The following CDK5RAP1 variants were observed in gnomAD, a reference collection of about 807,000 sequenced individuals.
The protein encoded by CDK5RAP1 is CDK5RAP1 mitochondrial tRNA methylthiotransferase.
CDK5RAP1 carries 62 observed loss-of-function variants against 64.5 expected under a neutral mutation model. The observed-to-expected ratio is 0.96, with a 90% confidence interval of 0.78 to 1.19. The LOEUF is 1.19. Among genes scored for constraint, CDK5RAP1 ranks in the 50% most tolerant of loss-of-function variants. CDK5RAP1 has a pLI of 0.00. For missense variants in CDK5RAP1, 657 were observed against 735.0 expected, an observed-to-expected ratio of 0.89 and a Z score of 1.23; for synonymous variants, 250 against 261.9, an observed-to-expected ratio of 0.95 and a Z score of 0.44.
intron 8 of CDK5RAP1, among the ~76,000 whole-genome samples, chr20:33,379,192 T>C (rs778204537): frequency 6.6e-6 from 1 of 152,182 alleles, no homozygotes; most frequent in Non-Finnish European, 1.5e-5. Flanking sequence ...GGTTTCGCCA[T>C]GTTGCCCAGG....
intron 13 of CDK5RAP1, 25 bp downstream of exon 13, chr20:33,360,326 C>T (rs1346182723): frequency 2.5e-6 from 4 of 1,609,564 alleles, no homozygotes; most frequent in Non-Finnish European, 3.4e-6. Context: ...ACAGTGCAAG[C>T]CAAAAGCCCA....
intron 5 of CDK5RAP1, among the ~76,000 whole-genome samples, chr20:33,389,228 G>A (rs1189454121): frequency 6.7e-6 from 1 of 150,198 alleles, no homozygotes; most frequent in Non-Finnish European, 1.5e-5. Context: ...GAGTGCCTCT[G>A]CCCCGCTGCC....
intron 7 of CDK5RAP1, among the ~76,000 whole-genome samples, chr20:33,380,787 C>T (rs563269991): frequency 4.6e-5 from 7 of 152,148 alleles, no homozygotes; most frequent in African/African-American, 1.7e-4. Flanking sequence ...GCGGATCACA[C>T]GGTCAGGAGT....
intron 12 of CDK5RAP1, among the ~76,000 whole-genome samples, chr20:33,362,650 T>C (rs1983151606): frequency 6.6e-6 from 1 of 152,098 alleles, no homozygotes; most frequent in African/African-American, 2.4e-5. Flanking sequence ...AAAATAACAA[T>C]GATTTAGGGA....
chr20:33,387,453 G>T lies in CDK5RAP1; in HGVS notation c.625C>A (p.Arg209=). ...ACAGCCAGCAGCCGGGGAAGGTCCC[G>T]GTAGGCATCAGGACCAGCCAAAATA... The part of the protein sequence containing the change: ...VDILAGPDAY[R]DLPRLLAVAE... The change falls in exon 6 of 14, where the codon CGG becomes AGG. Residue 209 remains arginine (R), a synonymous_variant. Transcript: ENST00000346416. The T allele has an allele frequency of 1.9e-6, 3 of 1,614,072 alleles. No individual in the cohort carries two copies. Among genetic ancestry groups the T allele is most frequent in the Non-Finnish European group, 2.5e-6 (3 of 1,180,002 alleles).
chr20:33,386,060 A>G (rs1464917662), intron 6 of CDK5RAP1, among the ~76,000 whole-genome samples: 2 of 151,974 alleles, frequency 1.3e-5, no homozygotes, highest in Admixed American at 6.6e-5. Context: ...TGGACTTTCT[A>G]CTGTTTTTTT....
At chr20:33,385,843 C>G in intron 6 of CDK5RAP1, 73 bp from the exon 7 acceptor site, 1 of 1,394,646 alleles carries the variant, frequency 7.2e-7, no homozygotes, top group Non-Finnish European at 9.8e-7. Context: ...CAGGACTCAG[C>G]TTCAATAGCA....
chr20:33,371,880 G>T (rs1470905555), intron 10 of CDK5RAP1, among the ~76,000 whole-genome samples: 1 of 152,168 alleles, frequency 6.6e-6, no homozygotes, highest in African/African-American at 2.4e-5. Flanking sequence ...TTAGGAGGAA[G>T]GGGACAGTGA....
chr20:33,358,997 T>C lies in CDK5RAP1; in HGVS notation c.*46A>G. ...AGTGGCAGGCAATGTCTCCCCTTCCTGTTGGGGAGGATTGCCCAAGTCAGC... is the reference window on the plus strand; with the variant it reads ...AGTGGCAGGCAATGTCTCCCCTTCCCGTTGGGGAGGATTGCCCAAGTCAGC... On this transcript the variant is annotated 3_prime_UTR_variant, in exon 14 of 14. Transcript: ENST00000346416. The C allele has an allele frequency of 7.3e-7, 1 of 1,363,550 alleles. No individual in the cohort carries two copies. Among genetic ancestry groups the C allele is most frequent in the Non-Finnish European group, 1.0e-6 (1 of 956,156 alleles). The allele number at this position is 1,363,550 out of a possible 1,614,324, so 84.5% of individuals were successfully genotyped here.
Position 33,389,381 on chromosome 20 carries a change from C to A in CDK5RAP1, c.545-1848G>T, listed in dbSNP as rs573519871. Reference sequence around the variant, plus strand: ...CCGTCTGAGAAGTGAGGAGCCCCTCCGCGCGGCAGCCGCCCCGTCTGAGAA... The same window carrying A: ...CCGTCTGAGAAGTGAGGAGCCCCTCAGCGCGGCAGCCGCCCCGTCTGAGAA... On this transcript the variant is annotated intron_variant, in intron 5 of 13. Transcript: ENST00000346416. 2.2e-4 allele frequency among the ~76,000 whole-genome samples: 33 copies of A among 151,538 alleles called. No individual in the cohort carries two copies. In the East Asian group the frequency reaches 6.4e-3, roughly 29 times the overall value.
rs1989412664 is a variant in CDK5RAP1 at position 33,401,464 on chromosome 20, G to GTC, written c.-58_-57insGA. On this transcript the variant is annotated 5_prime_UTR_variant, in exon 1 of 14. Coordinates refer to ENST00000346416, the MANE Select transcript of CDK5RAP1 (RefSeq NM_016408.4). ...GCAACAGTGCCCGGGGTCCCGCAGC[G>GTC]TAAGTTCTGCCGGCAAGTCGGATCC... is the stretch of plus-strand genomic sequence containing the variant. 1.0e-6 allele frequency: 1 copy of GTC among 985,366 alleles called. No homozygotes were observed. Among genetic ancestry groups the GTC allele is most frequent in the Non-Finnish European group, 1.2e-6 (1 of 829,956 alleles). The allele number at this position is 985,366 out of a possible 1,614,324, so 61.0% of individuals were successfully genotyped here.
chr20:33,393,885 T>G, intron 4 of CDK5RAP1, 147 bp downstream of exon 4: 1 of 668,654 alleles, frequency 1.5e-6, no homozygotes, highest in Non-Finnish European at 2.8e-6. Flanking sequence ...GCCAGTTGTA[T>G]AAAGACTATC....
At chr20:33,385,530 C>G in intron 7 of CDK5RAP1, 120 bp downstream of exon 7, 1 of 1,173,416 alleles carries the variant, frequency 8.5e-7, no homozygotes, top group Non-Finnish European at 1.2e-6. Context: ...GTAGTTCTTT[C>G]TGGCCAGGCA....
At chr20:33,384,517 G>A (rs1162509803) in intron 7 of CDK5RAP1, among the ~76,000 whole-genome samples, 2 of 152,034 alleles carry the variant, frequency 1.3e-5, no homozygotes, top group Non-Finnish European at 2.9e-5. Context: ...AGCAGCTAGG[G>A]GCCAAATCAA....
chr20:33,392,081 C>T, intron 5 of CDK5RAP1, 61 bp downstream of exon 5: 4 of 1,019,632 alleles, frequency 3.9e-6, no homozygotes, highest in Non-Finnish European at 6.1e-6. Flanking sequence ...GAAACACTAG[C>T]AAATAAAGCC....
At chr20:33,369,682 G>A (rs933020716) in intron 11 of CDK5RAP1, among the ~76,000 whole-genome samples, 1 of 152,166 alleles carries the variant, frequency 6.6e-6, no homozygotes, top group Non-Finnish European at 1.5e-5. Context: ...TTGAGAGAGC[G>A]TGGTGAAAGG....
chr20:33,360,399 G>T lies in CDK5RAP1; in HGVS notation c.1635C>A (p.Asn545Lys), dbSNP rs769676575. The T allele has an allele frequency of 6.2e-7, 1 of 1,613,994 alleles. No homozygotes were observed. ...GCTGGGCTCTGACCCTGAGCCCAGG[G>T]TTATTGACATCCTCCATCTCTGCAT... The part of the protein sequence containing the change: ...FPDAEMEDVN[N>K]PGLRVRAQPG... The change falls in exon 13 of 14, where the codon AAC (asparagine) becomes AAA (lysine). Residue 545 changes from asparagine (N) to lysine (K), a missense_variant. Transcript: ENST00000346416.
rs149906793 is a variant in CDK5RAP1, at chr20:33,368,964, C to G, written c.1392+1535G>C. On this transcript the variant is annotated intron_variant, in intron 11 of 13. Coordinates refer to ENST00000346416, the MANE Select transcript of CDK5RAP1 (RefSeq NM_016408.4). ...GACCATCCTGGCCAACATGGTAAAA[C>G]CCTGTCTCTACTAAAAAATACAAAA... Among the ~76,000 whole-genome samples the G allele has an allele frequency of 9.8e-3, 1,480 of 151,188 alleles. 15 individuals are homozygous for G. Among genetic ancestry groups the G allele is most frequent in the African/African-American group, 0.033 (1,363 of 41,146 alleles).
At position 33,397,021 on chromosome 20, in the gene CDK5RAP1, CCCAGAGA is replaced by C; in HGVS notation, c.37_43del (p.Ser13GlyfsTer13). 6.2e-7 allele frequency: 1 copy of C among 1,613,996 alleles called. No homozygotes were observed. The highest frequency in any genetic ancestry group is 1.1e-5 in the South Asian group (1 of 91,080). On this transcript the variant is annotated frameshift_variant, in exon 2 of 14. Coordinates refer to ENST00000346416, the MANE Select transcript of CDK5RAP1 (RefSeq NM_016408.4). LOFTEE classifies it high-confidence loss of function. ...AGACACAGAGGCCAATGGTCCCCACCCCAGAGACCTCTGCACTTGGAGGACACACTGT... is the reference window on the plus strand; with the variant it reads ...AGACACAGAGGCCAATGGTCCCCACCCCTCTGCACTTGGAGGACACACTGT...
Sources: gnomAD v4.1 joint callset for allele counts (sites outside exome capture counted in the v4.1 genomes callset) on GRCh38, gnomAD v4.1.1 for gene constraint, MANE v1.5 for transcripts, NCBI Gene and HGNC (gene_info 2026-07-23, HGNC 2026-07-21) for gene names.